CACFD1: variants seen among roughly 807,000 people sequenced by gnomAD.
The protein encoded by CACFD1 is calcium channel flower homolog.
Under a neutral mutation model 21.3 loss-of-function variants are expected in CACFD1, and 26 were observed. The observed-to-expected ratio is 1.22, with a 90% CI of 0.89 to 1.69. The LOEUF is 1.69. Among genes scored for constraint, CACFD1 ranks in the 40% most tolerant of loss-of-function variants. The pLI is 0.00. For missense variants in CACFD1, 265 were observed against 236.2 expected, an observed-to-expected ratio of 1.12 and a Z score of -0.80; for synonymous variants, 121 against 106.6, an observed-to-expected ratio of 1.13 and a Z score of -0.83.
At chr9:133,468,517 G>T (rs781814363) in intron 4 of CACFD1, 46 bp from the exon 5 acceptor site, 1 of 1,552,000 alleles carries the variant, frequency 6.4e-7, no homozygotes. Flanking sequence ...AGGGCTGTGG[G>T]CATGGGGCTG....
At chr9:133,462,425 G>A (rs1843260246) in intron 1 of CACFD1, among the ~76,000 whole-genome samples, 1 of 152,236 alleles carries the variant, frequency 6.6e-6, no homozygotes, top group Non-Finnish European at 1.5e-5. Context: ...TCCCATTGCA[G>A]TTCGGCTCAC....
Position 133,470,590 on chromosome 9 carries a change from CCT to C in CACFD1, c.*1938_*1939del, listed in dbSNP as rs1212855800. Reference sequence around the variant, plus strand: ...GCTGTGCAGTCCTGGGGTCCCTGACCCTGTCGCCCAGGGGGCGTGCTGTCCAG... The same window carrying C: ...GCTGTGCAGTCCTGGGGTCCCTGACCGTCGCCCAGGGGGCGTGCTGTCCAG... On this transcript the variant is annotated 3_prime_UTR_variant, in exon 5 of 5. Transcript: ENST00000316948. 1.3e-5 allele frequency: 2 copies of C among 152,360 alleles called. No individual in the cohort carries two copies. Among genetic ancestry groups the C allele is most frequent in the East Asian group, 3.8e-4 (2 of 5,200 alleles). The allele number at this position is 152,360 out of a possible 1,614,324, so 9.4% of individuals were successfully genotyped here. A position where few individuals can be genotyped will look rare whatever the true frequency, so the allele number is the denominator to read the frequency against.
At chr9:133,462,865 A>C (rs1306255078) in intron 1 of CACFD1, among the ~76,000 whole-genome samples, 1 of 152,248 alleles carries the variant, frequency 6.6e-6, no homozygotes, top group African/African-American at 2.4e-5. Flanking sequence ...GGACTTGCTC[A>C]TGTGCAAGAG....
chr9:133,466,275 A>T (rs1315575255), intron 3 of CACFD1, among the ~76,000 whole-genome samples: 1 of 152,258 alleles, frequency 6.6e-6, no homozygotes, highest in Non-Finnish European at 1.5e-5. Context: ...AATGCTAGAC[A>T]TCATAGAAAT....
intron 2 of CACFD1, among the ~76,000 whole-genome samples, chr9:133,463,794 G>A (rs587600168): frequency 1.1e-3 from 166 of 152,352 alleles, no homozygotes; most frequent in African/African-American, 3.9e-3. Flanking sequence ...CCCAGGGAAT[G>A]CCCACCCCGG....
At position 133,465,705 on chromosome 9, in the gene CACFD1, C is replaced by A. The variant is rs1249486008; in HGVS notation, c.320+258C>A. 1.5e-5 allele frequency: 7 copies of A among 464,396 alleles called. No individual in the cohort carries two copies. The East Asian group carries it at 2.9e-4, about 20-fold the overall frequency. The allele number at this position is 464,396 out of a possible 1,614,324, so 28.8% of individuals were successfully genotyped here. ...GGTATATGAGCATGTGTGGCAGCAT[C>A]CGTGCAGTGGAGAGAAAGTGGGAAG... On this transcript the variant is annotated intron_variant, in intron 3 of 4. Coordinates refer to ENST00000316948, the MANE Select transcript of CACFD1 (RefSeq NM_017586.5). The surrounding 1 kb of genome is among the most constrained non-coding windows in gnomAD (Gnocchi z 5.0).
At chr9:133,463,054 C>T (rs587730130) in intron 1 of CACFD1, among the ~76,000 whole-genome samples, 23 of 152,318 alleles carry the variant, frequency 1.5e-4, no homozygotes, top group East Asian at 7.7e-4. Context: ...CTTGTGTGGC[C>T]GGCCCTGTGA....
At chr9:133,463,459 C>A (rs1228317635) in intron 1 of CACFD1, 24 bp from the exon 2 acceptor site, 7 of 1,613,884 alleles carry the variant, frequency 4.3e-6, no homozygotes, top group Non-Finnish European at 5.9e-6. Flanking sequence ...CCTGCTGACT[C>A]CTGCCCGTGT....
intron 1 of CACFD1, chr9:133,461,763 C>A: frequency 3.4e-6 from 2 of 596,654 alleles, no homozygotes; most frequent in Non-Finnish European, 4.2e-6. Flanking sequence ...TCAGTTGCAT[C>A]TGCAGATTTT....
intron 4 of CACFD1, 152 bp downstream of exon 4, chr9:133,468,180 C>A (rs1048644979): frequency 9.2e-7 from 1 of 1,091,582 alleles, no homozygotes; most frequent in East Asian, 2.6e-5. Flanking sequence ...GGGCTCAGCT[C>A]GAGTGGGTGA....
intron 3 of CACFD1, among the ~76,000 whole-genome samples, chr9:133,466,367 C>T (rs2130998947): frequency 6.6e-6 from 1 of 152,372 alleles, no homozygotes; most frequent in Middle Eastern, 3.4e-3. Context: ...TGCTTCCTGT[C>T]TGCAGGCATT....
rs928098024 is a variant in CACFD1 at position 133,467,964 on chromosome 9, C to A, written c.364C>A (p.Leu122Met). ...CGTCATCAGCCTGACCCTGACCACG[C>A]TGCTGGGCAACGCCATCGCCTTTGC... is the stretch of plus-strand genomic sequence containing the variant. ...PIVISLTLTT[L>M]LGNAIAFATG... Residue 122 changes from leucine to methionine, a missense_variant, in exon 4 of 5, where the codon CTG (leucine) becomes ATG (methionine). By Grantham distance (15) the Leu-to-Met change is conservative. Transcript: ENST00000316948. The A allele has an allele frequency of 6.2e-7, 1 of 1,613,906 alleles. No homozygotes were observed. Among genetic ancestry groups the A allele is most frequent in the Non-Finnish European group, 8.5e-7 (1 of 1,180,022 alleles).
chr9:133,468,729 C>T lies in CACFD1; in HGVS notation c.*76C>T, dbSNP rs1554800252. 6.8e-7 allele frequency: 1 copy of T among 1,478,312 alleles called. No individual in the cohort carries two copies. The allele number at this position is 1,478,312 out of a possible 1,614,324, so 91.6% of individuals were successfully genotyped here. A position where few individuals can be genotyped will look rare whatever the true frequency, so the allele number is the denominator to read the frequency against. On this transcript the variant is annotated 3_prime_UTR_variant, in exon 5 of 5. Coordinates refer to ENST00000316948, the MANE Select transcript of CACFD1 (RefSeq NM_017586.5). ...CCAAGTGAGGCCTGGACTGTCCACG[C>T]TGAGGCACAGCCTGGAGAGGGGCCT... is the stretch of plus-strand genomic sequence containing the variant.
chr9:133,465,441 A>C lies in CACFD1; in HGVS notation c.314A>C (p.Tyr105Ser), dbSNP rs782462111. 5 of 1,609,932 alleles carry C rather than the reference A, an allele frequency of 3.1e-6. No individual in the cohort carries two copies. In the African/African-American group the frequency reaches 4.0e-5, roughly 13 times the overall value. The change falls in exon 3 of 5, where the codon TAC becomes TCC. Residue 105 changes from tyrosine (Y) to serine (S), a missense_variant. Coordinates refer to ENST00000316948, the MANE Select transcript of CACFD1 (RefSeq NM_017586.5). This position sits in a 1 kb window ranked among gnomAD's most constrained non-coding sequence, Gnocchi z 5.0. ...RLRSWQKAVFYCGMAVVPIVI... is the reference protein window; with the variant it reads ...RLRSWQKAVFSCGMAVVPIVI... Reference sequence around the variant, plus strand: ...CGCTCCTGGCAGAAGGCTGTCTTCTACTGCGGGTGAGGGGTTGCTGGGCAG... The same window carrying C: ...CGCTCCTGGCAGAAGGCTGTCTTCTCCTGCGGGTGAGGGGTTGCTGGGCAG...
chr9:133,465,504 A>AATAGGACC lies in CACFD1; in HGVS notation c.320+58_320+65dup. 6.5e-7 allele frequency: 1 copy of AATAGGACC among 1,543,060 alleles called. No homozygotes were observed. Among genetic ancestry groups the AATAGGACC allele is most frequent in the Non-Finnish European group, 8.8e-7 (1 of 1,137,412 alleles). On this transcript the variant is annotated intron_variant, in intron 3 of 4. Coordinates refer to ENST00000316948, the MANE Select transcript of CACFD1 (RefSeq NM_017586.5). This position sits in a 1 kb window ranked among gnomAD's most constrained non-coding sequence, Gnocchi z 5.0. ...CAGTTCCCCAAAACCCCACTGACAA[A>AATAGGACC]ATAGGACCCAAAAGTCAGGTGAGGG...
At chr9:133,467,410 T>C (rs986574951) in intron 3 of CACFD1, among the ~76,000 whole-genome samples, 1 of 152,222 alleles carries the variant, frequency 6.6e-6, no homozygotes, top group Admixed American at 6.5e-5. Context: ...GTGGTTGAAT[T>C]CCAGGGACCT....
intron 1 of CACFD1, chr9:133,461,935 A>G (rs587676462): frequency 1.0e-6 from 1 of 985,362 alleles, no homozygotes; most frequent in Admixed American, 6.1e-5. Context: ...CAGAGAGAGT[A>G]CCTGGAGAGG....
intron 1 of CACFD1, among the ~76,000 whole-genome samples, chr9:133,460,485 GTGGGGCACCGGCC>G (rs1313095965): frequency 6.7e-6 from 1 of 149,828 alleles, no homozygotes; most frequent in Non-Finnish European, 1.5e-5. Context: ...GGGGGCGGGG[GTGGGGCACCGGCC>G]TGGGGCACGT....
intron 1 of CACFD1, chr9:133,461,758 T>A (rs1053813450): frequency 1.9e-6 from 1 of 535,634 alleles, no homozygotes; most frequent in Non-Finnish European, 2.4e-6. Context: ...AGTTGTCAGT[T>A]GCATCTGCAG....
Sources: allele counts gnomAD v4.1 joint callset (sites outside exome capture counted in the v4.1 genomes callset), GRCh38; gene constraint gnomAD v4.1.1; non-coding constraint Gnocchi (gnomAD v3.1); transcripts MANE v1.5; gene names NCBI Gene and HGNC (gene_info 2026-07-23, HGNC 2026-07-21).